The following IQCJ variants were observed in gnomAD, a reference collection of about 807,000 sequenced individuals.
IQCJ encodes the protein IQ domain-containing protein J.
Under a neutral mutation model 11.0 loss-of-function variants are expected in IQCJ, and 9 were observed. That is an observed-to-expected ratio of 0.82 (90% CI 0.49 to 1.43). The LOEUF (loss-of-function observed/expected upper bound fraction) is 1.43. Among genes scored for constraint, IQCJ ranks in the 40% most tolerant of loss-of-function variants. The probability of loss-of-function intolerance (pLI) is 0.00; values close to 1 mark genes in which losing one functional copy is unlikely to be tolerated. For missense variants in IQCJ, 146 were observed against 133.2 expected, an observed-to-expected ratio of 1.10 and a Z score of -0.47; for synonymous variants, 55 against 51.3, an observed-to-expected ratio of 1.07 and a Z score of -0.31.
At chr3:159,125,987 C>T (rs1444537542) in intron 1 of IQCJ, among the ~76,000 whole-genome samples, 7 of 152,210 alleles carry the variant, frequency 4.6e-5, no homozygotes, top group Admixed American at 3.9e-4. Context: ...GCAAGTACAG[C>T]GGCTTCTCCC....
At chr3:159,154,934 A>G (rs995827323) in intron 1 of IQCJ, among the ~76,000 whole-genome samples, 7 of 150,754 alleles carry the variant, frequency 4.6e-5, no homozygotes, top group African/African-American at 1.2e-4. Context: ...CCTGTCTTCC[A>G]TCTTATTCTT....
At chr3:159,107,150 C>T (rs1186580259) in intron 1 of IQCJ, among the ~76,000 whole-genome samples, 2 of 152,116 alleles carry the variant, frequency 1.3e-5, no homozygotes, top group Non-Finnish European at 2.9e-5. Context: ...TGTGTCTCCT[C>T]TACCCCAAAC....
intron 1 of IQCJ, among the ~76,000 whole-genome samples, chr3:159,084,781 A>G (rs550130223): frequency 1.3e-5 from 2 of 152,074 alleles, no homozygotes; most frequent in Non-Finnish European, 2.9e-5. Context: ...ACTCATGAAA[A>G]TGACAGAGGA....
chr3:159,248,282 C>G (rs1218510696), intron 2 of IQCJ, among the ~76,000 whole-genome samples: 1 of 152,190 alleles, frequency 6.6e-6, no homozygotes, highest in Non-Finnish European at 1.5e-5. Flanking sequence ...AAGGTTCATT[C>G]CATCTGCACG....
intron 1 of IQCJ, among the ~76,000 whole-genome samples, chr3:159,127,801 T>A (rs1329640065): frequency 6.6e-6 from 1 of 152,216 alleles, no homozygotes; most frequent in Non-Finnish European, 1.5e-5. Context: ...TCAGTGGGAA[T>A]GACACTTAAT....
intron 1 of IQCJ, among the ~76,000 whole-genome samples, chr3:159,105,504 A>G (rs1718198727): frequency 6.6e-6 from 1 of 152,032 alleles, no homozygotes; most frequent in South Asian, 2.1e-4. Flanking sequence ...TGGAGCTTAC[A>G]CTCTCATGGG....
intron 1 of IQCJ, among the ~76,000 whole-genome samples, chr3:159,077,404 T>C (rs749944591): frequency 4.6e-5 from 7 of 152,110 alleles, no homozygotes; most frequent in Non-Finnish European, 1.0e-4. Context: ...TGTGGTGAAG[T>C]TTTGGTTGCA....
intron 1 of IQCJ, among the ~76,000 whole-genome samples, chr3:159,116,234 A>C (rs1020679386): frequency 1.3e-5 from 2 of 151,988 alleles, no homozygotes; most frequent in Non-Finnish European, 2.9e-5. Flanking sequence ...ACTCTGTCTC[A>C]AAAAAAGAGA....
intron 1 of IQCJ, among the ~76,000 whole-genome samples, chr3:159,233,971 C>T (rs756344114): frequency 8.5e-5 from 13 of 152,112 alleles, no homozygotes; most frequent in Admixed American, 2.6e-4. Context: ...AATGATAAAT[C>T]CGAGCAGTTT....
chr3:159,147,513 C>T (rs942709557), intron 1 of IQCJ, among the ~76,000 whole-genome samples: 1 of 152,170 alleles, frequency 6.6e-6, no homozygotes, highest in Non-Finnish European at 1.5e-5. Context: ...TTTATACTCT[C>T]AATAGCAGAC....
At chr3:159,249,477 G>A (rs752371915) in intron 2 of IQCJ, among the ~76,000 whole-genome samples, 2 of 152,108 alleles carry the variant, frequency 1.3e-5, no homozygotes, top group Non-Finnish European at 2.9e-5. Flanking sequence ...GGCCCATGGG[G>A]GTAACCTTTC....
chr3:159,094,986 C>G (rs1368229062), intron 1 of IQCJ, among the ~76,000 whole-genome samples: 4 of 151,878 alleles, frequency 2.6e-5, no homozygotes, highest in Admixed American at 6.5e-5. Flanking sequence ...AGTGTCTTCC[C>G]TGGGACAGGT....
intron 1 of IQCJ, among the ~76,000 whole-genome samples, chr3:159,138,042 A>G (rs1296865334): frequency 6.6e-6 from 1 of 152,148 alleles, no homozygotes; most frequent in Non-Finnish European, 1.5e-5. Flanking sequence ...TATATTAACC[A>G]CATTTCTTGG....
At chr3:159,082,274 C>G (rs575131174) in intron 1 of IQCJ, among the ~76,000 whole-genome samples, 1 of 151,634 alleles carries the variant, frequency 6.6e-6, no homozygotes, top group South Asian at 2.1e-4. Flanking sequence ...GTATTGAGCA[C>G]TGATTATGGC....
At position 159,168,083 on chromosome 3, in the gene IQCJ, T is replaced by C. The variant is rs573962576; in HGVS notation, c.10-77760T>C. Among the ~76,000 whole-genome samples the C allele has an allele frequency of 3.3e-5, 5 of 152,132 alleles. No individual in the cohort carries two copies. The South Asian group carries it at 6.2e-4, about 19-fold the overall frequency. Reference sequence around the variant, plus strand: ...TGTGGCCTCAGAGAGGGGGCCACAGTGTGTGGTGAGAGGGCACTGATGGTG... The same window carrying C: ...TGTGGCCTCAGAGAGGGGGCCACAGCGTGTGGTGAGAGGGCACTGATGGTG... On this transcript the variant is annotated intron_variant, in intron 1 of 3. Coordinates refer to ENST00000397832, the MANE Select transcript of IQCJ (RefSeq NM_001042706.3).
At chr3:159,113,697 G>A (rs1718776827) in intron 1 of IQCJ, among the ~76,000 whole-genome samples, 1 of 152,314 alleles carries the variant, frequency 6.6e-6, no homozygotes, top group African/African-American at 2.4e-5. Flanking sequence ...GCTGGGGCAG[G>A]CAAGTGCCGA....
intron 1 of IQCJ, among the ~76,000 whole-genome samples, chr3:159,109,136 A>C (rs1007520644): frequency 2.0e-5 from 3 of 152,248 alleles, no homozygotes; most frequent in Non-Finnish European, 4.4e-5. Flanking sequence ...AGTGGAACCC[A>C]GGTTGAATAA....
intron 2 of IQCJ, among the ~76,000 whole-genome samples, chr3:159,251,347 A>G (rs1727587587): frequency 6.6e-6 from 1 of 151,640 alleles, no homozygotes; most frequent in South Asian, 2.1e-4. Flanking sequence ...AACTAGTTTT[A>G]TGTCACTCTC....
chr3:159,167,669 A>G (rs1722249301), intron 1 of IQCJ, among the ~76,000 whole-genome samples: 2 of 152,218 alleles, frequency 1.3e-5, no homozygotes, highest in Non-Finnish European at 2.9e-5. Context: ...TAGTAAGTCA[A>G]TATTGGATGA....
Sources: allele counts gnomAD v4.1 joint callset (sites outside exome capture counted in the v4.1 genomes callset), GRCh38; gene constraint gnomAD v4.1.1; transcripts MANE v1.5; gene names NCBI Gene and HGNC (gene_info 2026-07-23, HGNC 2026-07-21).